The following STAU2 variants were observed in gnomAD, a reference collection of about 807,000 sequenced individuals.
STAU2 encodes double-stranded RNA-binding protein Staufen homolog 2.
STAU2 carries 20 observed loss-of-function variants against 65.9 expected under a neutral mutation model. The observed-to-expected ratio is 0.30, with a 90% CI of 0.21 to 0.44. The LOEUF (loss-of-function observed/expected upper bound fraction) is 0.44, where lower values mean the gene tolerates loss of function less well. Ranked by LOEUF, STAU2 falls within the 20% of genes least tolerant of loss-of-function variation. STAU2 has a pLI of 1.00. For synonymous variants in STAU2, 232 were observed against 233.9 expected (o/e 0.99, Z 0.07); for missense variants, 558 against 683.9 (o/e 0.82, Z 2.05).
chr8:73,448,134 C>T (rs1286634392), intron 13 of STAU2, among the ~76,000 whole-genome samples: 1 of 152,186 alleles, frequency 6.6e-6, no homozygotes, highest in Non-Finnish European at 1.5e-5. Flanking sequence ...ATGGGCCTGC[C>T]ATAAACTGAT....
upstream of STAU2, among the ~76,000 whole-genome samples, chr8:73,747,109 C>T (rs985934632): frequency 1.3e-5 from 2 of 151,798 alleles, no homozygotes; most frequent in African/African-American, 2.4e-5. Flanking sequence ...GCTGCCGGGC[C>T]CCAGCAGCTG....
chr8:73,708,413 G>A (rs1436580303), intron 4 of STAU2, among the ~76,000 whole-genome samples: 2 of 152,030 alleles, frequency 1.3e-5, no homozygotes, highest in Admixed American at 1.3e-4. Flanking sequence ...AAACATAAAT[G>A]CATTAGTTGT....
At chr8:73,478,775 C>T (rs1450864989) in intron 13 of STAU2, among the ~76,000 whole-genome samples, 1 of 151,970 alleles carries the variant, frequency 6.6e-6, no homozygotes, top group African/African-American at 2.4e-5. Context: ...CCCCAAAAAT[C>T]ATTAAGAATT....
At chr8:73,520,178 T>TA in intron 13 of STAU2, among the ~76,000 whole-genome samples, 1 of 152,344 alleles carries the variant, frequency 6.6e-6, no homozygotes, top group Non-Finnish European at 1.5e-5. Flanking sequence ...ATTGGAGACA[T>TA]AGGCAAAGAA....
At chr8:73,560,873 AAG>A (rs1439980051) in intron 12 of STAU2, among the ~76,000 whole-genome samples, 5 of 152,224 alleles carry the variant, frequency 3.3e-5, no homozygotes, top group Non-Finnish European at 7.3e-5. Context: ...AGTCAAATAA[AAG>A]TGCGAGTGAG....
At position 73,511,004 on chromosome 8, in the gene STAU2, G is replaced by A. The variant is rs185908465; in HGVS notation, c.1530+41008C>T. ...AGGTCAACTGGCAGCGCCTGCCTGC[G>A]TGGGCAACGTTCTTGGTGACCACTG... On this transcript the variant is annotated intron_variant, in intron 13 of 14. Transcript: ENST00000524300. Among the ~76,000 whole-genome samples, 335 of 152,360 alleles carry A rather than the reference G, an allele frequency of 2.2e-3. 1 individual carries two copies. The highest frequency in any genetic ancestry group is 6.9e-3 in the African/African-American group (289 of 41,584).
intron 12 of STAU2, among the ~76,000 whole-genome samples, chr8:73,577,369 G>A (rs1046319622): frequency 6.6e-6 from 1 of 151,282 alleles, no homozygotes; most frequent in East Asian, 1.9e-4. Flanking sequence ...GAAGCTTGCA[G>A]TGAGCCAAGA....
At chr8:73,523,437 T>A (rs145706731) in intron 13 of STAU2, among the ~76,000 whole-genome samples, 5 of 152,188 alleles carry the variant, frequency 3.3e-5, no homozygotes, top group African/African-American at 1.2e-4. Flanking sequence ...AGGCTTAATC[T>A]AGTATTATCT....
chr8:73,462,736 T>C (rs1310316737), intron 13 of STAU2, among the ~76,000 whole-genome samples: 1 of 152,110 alleles, frequency 6.6e-6, no homozygotes, highest in Non-Finnish European at 1.5e-5. Context: ...TAAAAGATTT[T>C]CCTTATTCCT....
At chr8:73,698,971 C>T (rs1175975548) in intron 4 of STAU2, among the ~76,000 whole-genome samples, 2 of 136,088 alleles carry the variant, frequency 1.5e-5, no homozygotes, top group Non-Finnish European at 3.2e-5. Flanking sequence ...AGAAAGAAAA[C>T]CTAAAATAAT....
chr8:73,593,407 T>C (rs1325556373), intron 11 of STAU2, among the ~76,000 whole-genome samples: 2 of 152,226 alleles, frequency 1.3e-5, no homozygotes, highest in African/African-American at 2.4e-5. Context: ...TGGTTAAAAT[T>C]CCTCACTCCC....
At chr8:73,599,527 A>G (rs1267194665) in intron 10 of STAU2, among the ~76,000 whole-genome samples, 1 of 152,246 alleles carries the variant, frequency 6.6e-6, no homozygotes, top group Non-Finnish European at 1.5e-5. Flanking sequence ...GAAAGTTTCA[A>G]TAATAGTTTC....
At chr8:73,666,687 C>G (rs1465595113) in intron 6 of STAU2, among the ~76,000 whole-genome samples, 1 of 152,194 alleles carries the variant, frequency 6.6e-6, no homozygotes, top group Non-Finnish European at 1.5e-5. Context: ...ATACTAAACA[C>G]ATCTAATGAG....
Position 73,637,477 on chromosome 8 carries a change from TAAAAAAAAAAA to T in STAU2, c.411-20037_411-20027del, listed in dbSNP as rs60833468. On this transcript the variant is annotated intron_variant, in intron 6 of 14. Transcript: ENST00000524300. The stretch of plus-strand genomic sequence containing the variant: ...TAAAGTCTTTATAAAGTGCTGAAAG[TAAAAAAAAAAA>T]AAAAAAAAAAAAAAAAAGAAAAGAA... 1.2e-4 allele frequency among the ~76,000 whole-genome samples: 7 copies of T among 57,086 alleles called. 1 individual carries two copies. The highest frequency in any genetic ancestry group is 7.3e-5 in the African/African-American group (1 of 13,772). 37.5% of individuals were successfully genotyped at this position (57,086 alleles called of 152,430 possible).
chr8:73,651,687 G>A (rs1026337573), intron 6 of STAU2: 4 of 476,388 alleles, frequency 8.4e-6, no homozygotes, highest in East Asian at 4.5e-5. Flanking sequence ...AGCCTCTGGC[G>A]TACCACCCCC....
At chr8:73,587,602 T>C (rs1026241326) in intron 11 of STAU2, among the ~76,000 whole-genome samples, 1 of 152,214 alleles carries the variant, frequency 6.6e-6, no homozygotes, top group Admixed American at 6.5e-5. Flanking sequence ...GACAGAAAGA[T>C]GTAGAAAAGT....
intron 13 of STAU2, among the ~76,000 whole-genome samples, chr8:73,442,129 C>T (rs1379935437): frequency 2.6e-5 from 4 of 151,880 alleles, no homozygotes; most frequent in East Asian, 1.9e-4. Context: ...CCGAGGTGGG[C>T]GGATCACGAG....
chr8:73,741,317 A>G (rs1218344429), intron 1 of STAU2, among the ~76,000 whole-genome samples: 1 of 151,000 alleles, frequency 6.6e-6, no homozygotes, highest in Non-Finnish European at 1.5e-5. Context: ...AAAAAAAAAA[A>G]TTAACATTAT....
chr8:73,477,113 G>T (rs1225571925), intron 13 of STAU2, among the ~76,000 whole-genome samples: 1 of 152,176 alleles, frequency 6.6e-6, no homozygotes, highest in Non-Finnish European at 1.5e-5. Context: ...TGGAGTGGAA[G>T]AGAGTAGTGC....
Sources: allele counts gnomAD v4.1 joint callset (sites outside exome capture counted in the v4.1 genomes callset), GRCh38; gene constraint gnomAD v4.1.1; transcripts MANE v1.5; gene names NCBI Gene and HGNC (gene_info 2026-07-23, HGNC 2026-07-21).